The following PHACTR2 variants were observed in gnomAD, a reference collection of about 807,000 sequenced individuals.
The protein encoded by PHACTR2 is chromosome 6 open reading frame 56.
In PHACTR2, 30 loss-of-function variants were observed where a neutral mutation model predicts 76.0. The ratio of observed to expected loss-of-function variants is 0.39; its 90% CI spans 0.30 to 0.54. The LOEUF (loss-of-function observed/expected upper bound fraction) is 0.54, where lower values mean the gene tolerates loss of function less well. Ranked by LOEUF, PHACTR2 falls within the 20% of genes least tolerant of loss-of-function variation. The probability of loss-of-function intolerance (pLI) is 0.61; values close to 1 mark genes in which losing one functional copy is unlikely to be tolerated. For synonymous variants in PHACTR2, 292 were observed against 292.5 expected (o/e 1.00, Z 0.02); for missense variants, 696 against 781.1 (o/e 0.89, Z 1.30).
chr6:143,545,465 G>A (rs1008566821), intron 1 of PHACTR2, among the ~76,000 whole-genome samples: 1 of 152,178 alleles, frequency 6.6e-6, no homozygotes, highest in African/African-American at 2.4e-5. Flanking sequence ...GTAGGCAAAC[G>A]AAGGCAGAAG....
At chr6:143,785,137 C>G (rs1023360783) in intron 10 of PHACTR2, among the ~76,000 whole-genome samples, 1 of 152,160 alleles carries the variant, frequency 6.6e-6, no homozygotes, top group African/African-American at 2.4e-5. Context: ...CAAGGCAAAT[C>G]CCTTCCACCC....
In PHACTR2 at chr6:143,711,146, A is replaced by G. The variant is rs116593496; in HGVS notation, c.47-870A>G. On this transcript the variant is annotated intron_variant, in intron 1 of 12. Coordinates refer to ENST00000440869, the MANE Select transcript of PHACTR2 (RefSeq NM_001100164.2). ...TTCCATCACCGCTATACGTTCCCTC[A>G]AGTTTCTTCTCAGGTTATTTCTGCC... The G allele has an allele frequency of 7.2e-4, 301 of 420,018 alleles. 1 individual carries two copies. Among genetic ancestry groups the G allele is most frequent in the African/African-American group, 5.7e-3 (275 of 47,838 alleles). 26.0% of individuals were successfully genotyped at this position (420,018 alleles called of 1,614,324 possible).
intron 9 of PHACTR2, among the ~76,000 whole-genome samples, chr6:143,781,325 A>G (rs2128477526): frequency 6.6e-6 from 1 of 152,208 alleles, no homozygotes; most frequent in East Asian, 1.9e-4. Flanking sequence ...GCTGAACAAT[A>G]TGCTTAATAA....
rs1776496631 is a variant in PHACTR2 at position 143,824,618 on chromosome 6, A to G, written c.*929A>G. 6.6e-6 allele frequency: 1 copy of G among 152,616 alleles called. No homozygotes were observed. The allele number at this position is 152,616 out of a possible 1,614,324, so 9.5% of individuals were successfully genotyped here. On this transcript the variant is annotated 3_prime_UTR_variant, in exon 13 of 13. Coordinates refer to ENST00000440869, the MANE Select transcript of PHACTR2 (RefSeq NM_001100164.2). The surrounding 1 kb of genome is among the most constrained non-coding windows in gnomAD (Gnocchi z 6.3). ...CAAAGCAACCATACTTCACCTAGAG[A>G]AGACAGTATTGGCAATCATGACACC... is the stretch of plus-strand genomic sequence containing the variant.
intron 3 of PHACTR2, among the ~76,000 whole-genome samples, chr6:143,752,034 T>A (rs1014509043): frequency 1.3e-5 from 2 of 152,166 alleles, no homozygotes. Context: ...AAGTAAGTAT[T>A]TTCCACATTG....
intron 10 of PHACTR2, among the ~76,000 whole-genome samples, chr6:143,785,033 T>C (rs1036300868): frequency 6.6e-6 from 1 of 152,138 alleles, no homozygotes; most frequent in Admixed American, 6.5e-5. Context: ...TGTCCTCACA[T>C]TTCAAAACCA....
intron 11 of PHACTR2, among the ~76,000 whole-genome samples, chr6:143,802,418 T>C (rs1775978113): frequency 6.6e-6 from 1 of 151,652 alleles, no homozygotes; most frequent in Non-Finnish European, 1.5e-5. Flanking sequence ...GGCGGGAGGA[T>C]TGCTTAAGCC....
rs1441387087 is a variant in PHACTR2, at chr6:143,548,988, C to T, written c.217+11781C>T. Among the ~76,000 whole-genome samples, 1 of 151,764 alleles carries T rather than the reference C, an allele frequency of 6.6e-6. No homozygotes were observed. The highest frequency in any genetic ancestry group is 1.9e-4 in the East Asian group (1 of 5,190). ...CATTGGCTGGGGTGAGGTGGGGGCA[C>T]CTGTGGCTTGAGGAGTATAAAGAGT... On this transcript the variant is annotated intron_variant, in intron 1 of 11. Transcript: ENST00000367584. The surrounding 1 kb of genome is among the most constrained non-coding windows in gnomAD (Gnocchi z 4.5).
chr6:143,796,569 A>C (rs1284992621), intron 11 of PHACTR2, among the ~76,000 whole-genome samples: 12 of 142,080 alleles, frequency 8.4e-5, no homozygotes, highest in African/African-American at 1.1e-4. Flanking sequence ...CTAGTCCCCC[A>C]CCCCCTACAG....
rs898864897 is a variant in PHACTR2 at position 143,633,886 on chromosome 6, A to G, written c.13+25564A>G. 1.3e-5 allele frequency among the ~76,000 whole-genome samples: 2 copies of G among 152,228 alleles called. No homozygotes were observed. Among genetic ancestry groups the G allele is most frequent in the African/African-American group, 4.8e-5 (2 of 41,468 alleles). ...ACCTTTTGAAGATGAACTTTGTAAGATGAACTATAGATTTAAGATGAAAGT... is the reference window on the plus strand; with the variant it reads ...ACCTTTTGAAGATGAACTTTGTAAGGTGAACTATAGATTTAAGATGAAAGT... On this transcript the variant is annotated intron_variant, in intron 1 of 11. Transcript: ENST00000305766. This position sits in a 1 kb window ranked among gnomAD's most constrained non-coding sequence, Gnocchi z 4.1.
rs1431536484 is a variant in PHACTR2, at chr6:143,795,160, T to C, written c.1845+6250T>C. On this transcript the variant is annotated intron_variant, in intron 11 of 12. Transcript: ENST00000440869. This position sits in a 1 kb window ranked among gnomAD's most constrained non-coding sequence, Gnocchi z 4.8. ...GGGGCACAATGACTCACACTTGTAA[T>C]GTTAGCACTTTGGGAGGCCAAGGTG... 1.3e-5 allele frequency among the ~76,000 whole-genome samples: 2 copies of C among 152,172 alleles called. No homozygotes were observed. The highest frequency in any genetic ancestry group is 2.4e-5 in the African/African-American group (1 of 41,434).
chr6:143,756,711 AAAAAG>A (rs1410276778), intron 4 of PHACTR2, among the ~76,000 whole-genome samples: 1 of 151,198 alleles, frequency 6.6e-6, no homozygotes, highest in Non-Finnish European at 1.5e-5. Flanking sequence ...AAAAAAAAAA[AAAAAG>A]AGCAGAAAAA....
In PHACTR2 at chr6:143,760,682, G is replaced by A. The variant is rs758475000; in HGVS notation, c.694+42G>A. ...TGCCCTGTGGGGTCACTTCTAGGGT[G>A]CTTGGCTCTGGGATGGGGCTAATTG... On this transcript the variant is annotated intron_variant, in intron 5 of 12. Transcript: ENST00000440869. The surrounding 1 kb of genome is among the most constrained non-coding windows in gnomAD (Gnocchi z 6.4). 11 of 1,597,046 alleles carry A rather than the reference G, an allele frequency of 6.9e-6. No individual in the cohort carries two copies. The highest frequency in any genetic ancestry group is 9.4e-6 in the Non-Finnish European group (11 of 1,171,484).
chr6:143,773,700 A>T (rs972156513), intron 7 of PHACTR2, among the ~76,000 whole-genome samples: 1 of 152,248 alleles, frequency 6.6e-6, no homozygotes, highest in African/African-American at 2.4e-5. Context: ...AAGCAAAAGA[A>T]CTAAGTTTTT....
Position 143,648,737 on chromosome 6 carries a change from C to G in PHACTR2, c.13+40415C>G, listed in dbSNP as rs1244241426. ...CTGCATTCCTACAACTGCTTCTCCT[C>G]CCCAGGATGTGCACGTGTGTGTGTC... On this transcript the variant is annotated intron_variant, in intron 1 of 11. Transcript: ENST00000305766. This position sits in a 1 kb window ranked among gnomAD's most constrained non-coding sequence, Gnocchi z 6.7. Among the ~76,000 whole-genome samples, 1 of 152,030 alleles carries G rather than the reference C, an allele frequency of 6.6e-6. No individual in the cohort carries two copies. The highest frequency in any genetic ancestry group is 1.5e-5 in the Non-Finnish European group (1 of 67,982).
chr6:143,638,562 TACACACACACACATACAC>T (rs1445171196), intron 1 of PHACTR2, among the ~76,000 whole-genome samples: 1 of 98,494 alleles, frequency 1.0e-5, no homozygotes, highest in Non-Finnish European at 2.3e-5. Flanking sequence ...AAAAAAGTAT[TACACACACACACATACAC>T]ACACACACAC....
Position 143,821,604 on chromosome 6 carries a change from G to A in PHACTR2, c.1923-2070G>A, listed in dbSNP as rs1776418874. 6.6e-6 allele frequency among the ~76,000 whole-genome samples: 1 copy of A among 152,218 alleles called. No homozygotes were observed. The highest frequency in any genetic ancestry group is 6.5e-5 in the Admixed American group (1 of 15,276). ...AAAGGTTATGGGAACACAGGAAAGA[G>A]AGCAATTAGTGCTTCCCTGAGCAGT... is the stretch of plus-strand genomic sequence containing the variant. On this transcript the variant is annotated intron_variant, in intron 12 of 12. Transcript: ENST00000440869. This position sits in a 1 kb window ranked among gnomAD's most constrained non-coding sequence, Gnocchi z 5.2.
chr6:143,673,743 T>C (rs957739313), upstream of PHACTR2, among the ~76,000 whole-genome samples: 1 of 151,998 alleles, frequency 6.6e-6, no homozygotes, highest in Non-Finnish European at 1.5e-5. Context: ...AGGTCTTTAT[T>C]TTCCAGCATA....
Position 143,621,015 on chromosome 6 carries a change from A to C in PHACTR2, c.13+12693A>C, listed in dbSNP as rs1776143831. ...AGAGGCTCATTAATTAGTGGAGCCC[A>C]CATATGCAGGGCATATACTTATATG... On this transcript the variant is annotated intron_variant, in intron 1 of 11. Transcript: ENST00000305766. The surrounding 1 kb of genome is among the most constrained non-coding windows in gnomAD (Gnocchi z 4.1). 6.6e-6 allele frequency among the ~76,000 whole-genome samples: 1 copy of C among 152,246 alleles called. No homozygotes were observed. The highest frequency in any genetic ancestry group is 2.1e-4 in the South Asian group (1 of 4,832).
Sources: allele counts gnomAD v4.1 joint callset (sites outside exome capture counted in the v4.1 genomes callset), GRCh38; gene constraint gnomAD v4.1.1; non-coding constraint Gnocchi (gnomAD v3.1); transcripts MANE v1.5; gene names NCBI Gene and HGNC (gene_info 2026-07-23, HGNC 2026-07-21).